FREM3: variants seen among roughly 807,000 people sequenced by gnomAD.
The protein encoded by FREM3 is FRAS1 related extracellular matrix 3.
A neutral mutation model predicts 129.1 loss-of-function variants in FREM3; 105 were observed. The observed-to-expected ratio is 0.81, with a 90% CI of 0.69 to 0.96. The LOEUF is 0.96. Among genes scored for constraint, FREM3 ranks in the 40% least tolerant of loss-of-function variants. FREM3 has a pLI of 0.00. For synonymous variants in FREM3, 1,014 were observed against 1,044.9 expected, an observed-to-expected ratio of 0.97 and a Z score of 0.57; for missense variants, 2,593 against 2,666.3, an observed-to-expected ratio of 0.97 and a Z score of 0.61.
At chr4:143,581,737 A>G (rs1041618052) in intron 7 of FREM3, among the ~76,000 whole-genome samples, 5 of 151,968 alleles carry the variant, frequency 3.3e-5, no homozygotes, top group African/African-American at 1.2e-4. Flanking sequence ...TTCACCAGAC[A>G]GGGCTCCTGG....
At chr4:143,644,481 T>C (rs1036266302) in intron 2 of FREM3, among the ~76,000 whole-genome samples, 3 of 152,132 alleles carry the variant, frequency 2.0e-5, no homozygotes, top group Non-Finnish European at 4.4e-5. Flanking sequence ...ACCTTGTAGA[T>C]CCCTGGAAAT....
intron 2 of FREM3, among the ~76,000 whole-genome samples, chr4:143,638,688 C>T (rs1232549329): frequency 1.3e-5 from 2 of 152,036 alleles, no homozygotes; most frequent in African/African-American, 4.8e-5. Flanking sequence ...TGCTCTAGGG[C>T]CAGGGACACC....
intron 6 of FREM3, among the ~76,000 whole-genome samples, chr4:143,603,436 T>C (rs1738609855): frequency 6.6e-6 from 1 of 152,198 alleles, no homozygotes; most frequent in Non-Finnish European, 1.5e-5. Flanking sequence ...TTTGTCTCAT[T>C]TCTTTTCTCC....
intron 2 of FREM3, among the ~76,000 whole-genome samples, chr4:143,649,774 A>G (rs1739478936): frequency 6.6e-6 from 1 of 152,200 alleles, no homozygotes; most frequent in Admixed American, 6.5e-5. Context: ...GGCACTAGAT[A>G]ACAGAATTGC....
At chr4:143,655,107 A>C (rs982571087) in intron 2 of FREM3, among the ~76,000 whole-genome samples, 1 of 151,566 alleles carries the variant, frequency 6.6e-6, no homozygotes, top group African/African-American at 2.4e-5. Flanking sequence ...AAGGATCTGT[A>C]ATTTGTGTAG....
At chr4:143,661,708 A>G (rs560915851) in intron 2 of FREM3, among the ~76,000 whole-genome samples, 1 of 152,144 alleles carries the variant, frequency 6.6e-6, no homozygotes, top group Non-Finnish European at 1.5e-5. Flanking sequence ...GGCTGTGAAT[A>G]CATCTGGTCC....
chr4:143,622,447 A>G (rs1198279339), intron 4 of FREM3, among the ~76,000 whole-genome samples: 2 of 148,856 alleles, frequency 1.3e-5, no homozygotes, highest in East Asian at 2.0e-4. Context: ...TTACTAAATG[A>G]TAATTCAGAA....
Position 143,698,688 on chromosome 4 carries a change from T to C in FREM3, c.1988A>G (p.His663Arg). ...GRLFYRHLGP[H>R]SPQSVMVQLA... ...CTGGACCATTACAGATTGAGGGCTG[T>C]GTGGTCCAAGATGGCGGTAGAAGAG... The change falls in exon 1 of 8, where the codon CAC becomes CGC. Residue 663 changes from histidine to arginine, a missense_variant. By Grantham distance (29) the His-to-Arg change is conservative (BLOSUM62 0). Around this residue, in one of 2 missense-constraint regions of FREM3, gnomAD observed 2,276 missense variants for 2,267.2 expected, o/e 1.00. Coordinates refer to ENST00000329798, the MANE Select transcript of FREM3 (RefSeq NM_001168235.2). 6.5e-7 allele frequency: 1 copy of C among 1,537,566 alleles called. No individual in the cohort carries two copies. The highest frequency in any genetic ancestry group is 8.7e-7 in the Non-Finnish European group (1 of 1,146,994).
chr4:143,620,126 C>T (rs925022666), intron 5 of FREM3, among the ~76,000 whole-genome samples: 1 of 152,140 alleles, frequency 6.6e-6, no homozygotes, highest in Non-Finnish European at 1.5e-5. Flanking sequence ...TGCCAGCTTC[C>T]CTAATTTCTG....
chr4:143,595,380 C>G (rs2149836083), intron 6 of FREM3, among the ~76,000 whole-genome samples: 1 of 151,818 alleles, frequency 6.6e-6, no homozygotes, highest in East Asian at 1.9e-4. Flanking sequence ...TCAGATTTGG[C>G]AAAGCCAATT....
intron 6 of FREM3, among the ~76,000 whole-genome samples, chr4:143,588,413 G>T (rs1245445405): frequency 6.7e-6 from 1 of 149,350 alleles, no homozygotes; most frequent in African/African-American, 2.5e-5. Flanking sequence ...CCCACAACAG[G>T]CCCCAGTGTG....
At chr4:143,681,577 C>T (rs1057038026) in intron 2 of FREM3, among the ~76,000 whole-genome samples, 5 of 152,030 alleles carry the variant, frequency 3.3e-5, no homozygotes, top group Non-Finnish European at 1.5e-5. Flanking sequence ...AGACTGATCT[C>T]TTATGGTGAA....
intron 2 of FREM3, among the ~76,000 whole-genome samples, chr4:143,668,951 G>T (rs905742080): frequency 1.3e-5 from 2 of 152,140 alleles, no homozygotes; most frequent in African/African-American, 4.8e-5. Context: ...CAATCTGTAG[G>T]TAGTTTTTCT....
intron 2 of FREM3, among the ~76,000 whole-genome samples, chr4:143,664,499 G>T (rs887878366): frequency 7.2e-5 from 11 of 152,110 alleles, no homozygotes; most frequent in African/African-American, 2.2e-4. Context: ...GCCCCTACTG[G>T]GGGATGCCTC....
chr4:143,696,166 C>A lies in FREM3; in HGVS notation c.4510G>T (p.Asp1504Tyr), dbSNP rs771213935. The change falls in exon 1 of 8, where the codon GAT becomes TAT. Residue 1504 changes from aspartate (D) to tyrosine (Y), a missense_variant. By Grantham distance (160) the Asp-to-Tyr change is radical. This residue lies in a region of FREM3 where 2,276 missense variants were observed against 2,267.2 expected (regional missense o/e 1.00). Transcript: ENST00000329798. ...NKISYVHTSN[D>Y]EKKMDSFEFQ... is the part of the protein sequence containing the mutation. ...TCGAAGCTGTCCATCTTTTTCTCAT[C>A]ATTTGAAGTATGGACATAGGATATT... The A allele has an allele frequency of 1.3e-6, 2 of 1,537,538 alleles. No homozygotes were observed. Among genetic ancestry groups the A allele is most frequent in the Non-Finnish European group, 1.7e-6 (2 of 1,146,998 alleles).
intron 2 of FREM3, among the ~76,000 whole-genome samples, chr4:143,656,669 C>T (rs1560859881): frequency 2.0e-5 from 3 of 151,822 alleles, no homozygotes; most frequent in African/African-American, 7.3e-5. Context: ...AGAGGGGTGG[C>T]GGAAATGGAA....
intron 7 of FREM3, among the ~76,000 whole-genome samples, chr4:143,582,898 C>G: frequency 6.8e-6 from 1 of 147,874 alleles, no homozygotes; most frequent in South Asian, 2.1e-4. Flanking sequence ...AATTAATTTA[C>G]TTTTTTTTTT....
intron 6 of FREM3, among the ~76,000 whole-genome samples, chr4:143,592,307 C>T (rs553339810): frequency 1.3e-4 from 20 of 152,098 alleles, no homozygotes; most frequent in Non-Finnish European, 2.4e-4. Context: ...TTATTCTGCC[C>T]ATTAGTTGAT....
At chr4:143,580,932 G>A (rs36055608) in intron 7 of FREM3, among the ~76,000 whole-genome samples, 31,409 of 152,182 alleles carry the variant, frequency 0.21, 3,300 homozygotes, top group South Asian at 0.26. Context: ...CTCCCGACCT[G>A]GGACACCAGC....
Sources: allele counts gnomAD v4.1 joint callset (sites outside exome capture counted in the v4.1 genomes callset), GRCh38; gene constraint gnomAD v4.1.1; regional missense constraint gnomAD v4.1.1; transcripts MANE v1.5; gene names NCBI Gene and HGNC (gene_info 2026-07-23, HGNC 2026-07-21).